The following TNFRSF19 variants were observed in gnomAD, a reference collection of about 807,000 sequenced individuals.
TNFRSF19 encodes the protein TNF receptor superfamily member 19.
In TNFRSF19, 27 loss-of-function variants were observed where a neutral mutation model predicts 46.4. That is an observed-to-expected ratio of 0.58 (90% CI 0.43 to 0.80). The LOEUF is 0.80. Among genes scored for constraint, TNFRSF19 ranks in the 30% least tolerant of loss-of-function variants. The pLI, the probability that TNFRSF19 is intolerant of heterozygous loss-of-function variation, is 0.00. For missense variants in TNFRSF19, 511 were observed against 530.8 expected, an observed-to-expected ratio of 0.96 and a Z score of 0.37; for synonymous variants, 204 against 205.0, an observed-to-expected ratio of 1.00 and a Z score of 0.04.
At chr13:23,618,689 G>A (rs1265341751) in intron 4 of TNFRSF19, among the ~76,000 whole-genome samples, 6 of 152,158 alleles carry the variant, frequency 3.9e-5, no homozygotes, top group Admixed American at 2.6e-4. Context: ...CTGAAAACAC[G>A]TCCACACAAA....
At chr13:23,572,056 T>G (rs1336278359) in intron 1 of TNFRSF19, among the ~76,000 whole-genome samples, 1 of 152,088 alleles carries the variant, frequency 6.6e-6, no homozygotes, top group African/African-American at 2.4e-5. Flanking sequence ...GTAATTAATT[T>G]TTCACAGCCA....
intron 3 of TNFRSF19, among the ~76,000 whole-genome samples, chr13:23,614,505 A>G (rs895117798): frequency 2.0e-5 from 3 of 152,126 alleles, no homozygotes; most frequent in Admixed American, 2.0e-4. Context: ...CTTGCATTTT[A>G]GCATCCAGGG....
chr13:23,631,364 C>T (rs138938265), intron 5 of TNFRSF19, among the ~76,000 whole-genome samples: 1 of 152,278 alleles, frequency 6.6e-6, no homozygotes, highest in East Asian at 1.9e-4. Context: ...AGCATAATTA[C>T]ACTGTACATA....
intron 5 of TNFRSF19, among the ~76,000 whole-genome samples, chr13:23,633,662 G>A (rs1210326329): frequency 1.3e-5 from 2 of 152,036 alleles, no homozygotes; most frequent in African/African-American, 2.4e-5. Context: ...CAGCCTGGCC[G>A]ACATGACGAA....
intron 5 of TNFRSF19, among the ~76,000 whole-genome samples, chr13:23,655,763 G>GTTTTGT (rs569750843): frequency 5.4e-5 from 8 of 148,984 alleles, no homozygotes; most frequent in Middle Eastern, 3.5e-3. Flanking sequence ...TTTTGGTTTT[G>GTTTTGT]TTTTGTTTTT....
At chr13:23,596,048 A>T (rs778359473) in intron 3 of TNFRSF19, among the ~76,000 whole-genome samples, 1 of 152,220 alleles carries the variant, frequency 6.6e-6, no homozygotes, top group Non-Finnish European at 1.5e-5. Flanking sequence ...TCCTTTACAG[A>T]CAAGCAAATG....
intron 1 of TNFRSF19, among the ~76,000 whole-genome samples, chr13:23,574,345 T>A (rs1303230535): frequency 6.6e-6 from 1 of 152,178 alleles, no homozygotes; most frequent in Non-Finnish European, 1.5e-5. Flanking sequence ...AGCATTGTGA[T>A]CTACATTTTT....
intron 3 of TNFRSF19, among the ~76,000 whole-genome samples, chr13:23,601,465 T>C (rs1414027864): frequency 1.3e-5 from 2 of 152,162 alleles, no homozygotes; most frequent in African/African-American, 4.8e-5. Flanking sequence ...AGACCTGCCA[T>C]GTAAGAAATG....
intron 1 of TNFRSF19, 128 bp from the exon 2 acceptor site, chr13:23,590,022 G>A (rs1310215864): frequency 4.8e-6 from 2 of 416,788 alleles, no homozygotes; most frequent in Middle Eastern, 6.5e-4. Context: ...TTTTAAAGGT[G>A]GTTTCTTTTA....
chr13:23,593,026 G>A (rs967773360), intron 2 of TNFRSF19, among the ~76,000 whole-genome samples: 1 of 151,886 alleles, frequency 6.6e-6, no homozygotes, highest in Admixed American at 6.6e-5. Context: ...GAAGAGAACA[G>A]CTCCTAAGTC....
intron 5 of TNFRSF19, among the ~76,000 whole-genome samples, chr13:23,643,788 T>A (rs1200828509): frequency 6.6e-6 from 1 of 152,206 alleles, no homozygotes; most frequent in Non-Finnish European, 1.5e-5. Flanking sequence ...CTAAATAACC[T>A]CCACCCCACA....
chr13:23,603,165 C>T (rs1444676274), intron 3 of TNFRSF19, among the ~76,000 whole-genome samples: 1 of 152,004 alleles, frequency 6.6e-6, no homozygotes, highest in African/African-American at 2.4e-5. Flanking sequence ...AAAGCATGGA[C>T]ATCACTATAG....
At chr13:23,601,054 A>G (rs1880120563) in intron 3 of TNFRSF19, among the ~76,000 whole-genome samples, 2 of 152,212 alleles carry the variant, frequency 1.3e-5, no homozygotes, top group Non-Finnish European at 2.9e-5. Context: ...TTAATATGCT[A>G]ATCAGGGAAA....
chr13:23,660,422 G>A lies in TNFRSF19; in HGVS notation c.668G>A (p.Arg223Lys), dbSNP rs762246867. 7 of 1,613,932 alleles carry A rather than the reference G, an allele frequency of 4.3e-6. No individual in the cohort carries two copies. The Admixed American group carries it at 1.0e-4, about 23-fold the overall frequency. ...GGCTCTGAGCTGTCGTGTTTTGACA[G>A]ACCTCAGCTCCACGAATATGCCCAC... ...YNGSELSCFDRPQLHEYAHRA... is the reference protein window; with the variant it reads ...YNGSELSCFDKPQLHEYAHRA... The change falls in exon 7 of 10, where the codon AGA becomes AAA. Residue 223 changes from arginine (R) to lysine (K), a missense_variant. Physicochemically the swap from Arg to Lys is conservative, Grantham distance 26 (BLOSUM62 2). Coordinates refer to ENST00000248484, the MANE Select transcript of TNFRSF19 (RefSeq NM_148957.4).
In TNFRSF19 at chr13:23,658,044, C is replaced by A. The variant is rs77294088; in HGVS notation, c.446-1006C>A. ...TTGGGAAAGAGAAAATGTAACTGCCCCTCTGTGTAGATTCATGCCCCTTTT... is the reference window on the plus strand; with the variant it reads ...TTGGGAAAGAGAAAATGTAACTGCCACTCTGTGTAGATTCATGCCCCTTTT... On this transcript the variant is annotated intron_variant, in intron 5 of 9. Coordinates refer to ENST00000248484, the MANE Select transcript of TNFRSF19 (RefSeq NM_148957.4). 7.7e-3 allele frequency among the ~76,000 whole-genome samples: 1,165 copies of A among 152,154 alleles called. 17 individuals are homozygous for A. The highest frequency in any genetic ancestry group is 0.027 in the African/African-American group (1,113 of 41,492).
intron 5 of TNFRSF19, among the ~76,000 whole-genome samples, chr13:23,649,367 T>C (rs1883507003): frequency 6.6e-6 from 1 of 152,196 alleles, no homozygotes; most frequent in South Asian, 2.1e-4. Flanking sequence ...CTGTTTATAG[T>C]ATTGTCTTAT....
chr13:23,651,919 A>G lies in TNFRSF19; in HGVS notation c.446-7131A>G, dbSNP rs528384208. 1.5e-3 allele frequency among the ~76,000 whole-genome samples: 218 copies of G among 141,956 alleles called. 1 individual carries two copies. The highest frequency in any genetic ancestry group is 5.4e-3 in the African/African-American group (207 of 38,534). The allele number at this position is 141,956 out of a possible 152,430, so 93.1% of individuals were successfully genotyped here. On this transcript the variant is annotated intron_variant, in intron 5 of 9. Transcript: ENST00000248484. ...AAAAAAAAAAAAAAAAAAAAAAAGCATAAGTTTTAAGAGTCAAACTAACCT... is the reference window on the plus strand; with the variant it reads ...AAAAAAAAAAAAAAAAAAAAAAAGCGTAAGTTTTAAGAGTCAAACTAACCT...
chr13:23,618,964 C>T (rs539909331), intron 4 of TNFRSF19, among the ~76,000 whole-genome samples: 8 of 152,300 alleles, frequency 5.3e-5, no homozygotes, highest in African/African-American at 1.9e-4. Flanking sequence ...CATTTCTTCC[C>T]TCTGAAGAGT....
chr13:23,572,473 T>C (rs1218671537), intron 1 of TNFRSF19, among the ~76,000 whole-genome samples: 1 of 152,198 alleles, frequency 6.6e-6, no homozygotes, highest in Middle Eastern at 3.2e-3. Context: ...TGAAACTTGC[T>C]CATTTAGTTC....
Sources: gnomAD v4.1 joint callset for allele counts (sites outside exome capture counted in the v4.1 genomes callset) on GRCh38, gnomAD v4.1.1 for gene constraint, MANE v1.5 for transcripts, NCBI Gene and HGNC (gene_info 2026-07-23, HGNC 2026-07-21) for gene names.